Variants in VIT observed in about 807,000 individuals in gnomAD.
VIT encodes the protein vitrin.
VIT carries 99 observed loss-of-function variants against 78.0 expected under a neutral mutation model. The observed-to-expected ratio is 1.27, with a 90% CI of 1.08 to 1.50. The LOEUF is 1.50. VIT is among the 40% of genes most tolerant of loss of function. The pLI is 0.00. For synonymous variants in VIT, 374 were observed against 334.3 expected (o/e 1.12, Z -1.29); for missense variants, 1,126 against 875.3 (o/e 1.29, Z -3.61).
intron 15 of VIT, among the ~76,000 whole-genome samples, chr2:36,811,855 T>C (rs1667197491): frequency 6.6e-6 from 1 of 152,002 alleles, no homozygotes. Flanking sequence ...TTTGTATTTT[T>C]AGTGGAGACG....
rs1159217862 is a variant in VIT, at chr2:36,728,823, AAAAAAAG to A, written c.53-589_53-583del. On this transcript the variant is annotated intron_variant, in intron 2 of 15. Transcript: ENST00000379242. ...GCAAGACTCCGTCTCAAAAAAAAAA[AAAAAAAG>A]AAAAAAGAAAAAATATTTTTTATAA... Among the ~76,000 whole-genome samples the A allele has an allele frequency of 3.0e-3, 404 of 135,846 alleles. 136 individuals carry two copies. Among genetic ancestry groups the A allele is most frequent in the Non-Finnish European group, 4.9e-3 (320 of 64,860 alleles). 89.1% of individuals were successfully genotyped at this position (135,846 alleles called of 152,430 possible).
At chr2:36,808,450 G>A (rs776056075) in intron 14 of VIT, 22 bp from the exon 15 acceptor site, 6 of 1,583,324 alleles carry the variant, frequency 3.8e-6, no homozygotes, top group Non-Finnish European at 5.2e-6. Flanking sequence ...CGTGGCGTGG[G>A]TCCCTCCCCT....
chr2:36,781,092 C>G (rs759436), intron 9 of VIT, among the ~76,000 whole-genome samples: 76,015 of 152,054 alleles, frequency 0.5, 22,808 homozygotes, highest in Middle Eastern at 0.7. Flanking sequence ...TTCCTTTATT[C>G]TGCTTGAGTC....
At chr2:36,806,001 C>A (rs1431726489) in intron 14 of VIT, among the ~76,000 whole-genome samples, 1 of 151,786 alleles carries the variant, frequency 6.6e-6, no homozygotes, top group Non-Finnish European at 1.5e-5. Context: ...CTCTCTCTCA[C>A]ACACACACAC....
chr2:36,739,205 A>G (rs774762327), intron 3 of VIT, among the ~76,000 whole-genome samples: 2 of 152,214 alleles, frequency 1.3e-5, no homozygotes, highest in African/African-American at 4.8e-5. Flanking sequence ...ATTCTTCCTT[A>G]TTAACAGGCA....
intron 5 of VIT, 132 bp from the exon 6 acceptor site, chr2:36,758,837 T>G (rs1668927081): frequency 1.3e-6 from 1 of 795,012 alleles, no homozygotes; most frequent in African/African-American, 1.7e-5. Flanking sequence ...AATCAACTAT[T>G]CAGCATGAGG....
chr2:36,800,475 G>C (rs1558585119), intron 12 of VIT, among the ~76,000 whole-genome samples: 2 of 152,214 alleles, frequency 1.3e-5, no homozygotes, highest in African/African-American at 4.8e-5. Flanking sequence ...CCAAGCCTGG[G>C]CCTTTCTGAC....
intron 1 of VIT, among the ~76,000 whole-genome samples, chr2:36,702,251 G>A (rs953879424): frequency 1.3e-5 from 2 of 152,070 alleles, no homozygotes; most frequent in African/African-American, 4.8e-5. Flanking sequence ...AGCAGGAAAG[G>A]GAAGCCCAAG....
At chr2:36,772,667 A>C (rs1379022439) in intron 7 of VIT, among the ~76,000 whole-genome samples, 2 of 152,214 alleles carry the variant, frequency 1.3e-5, no homozygotes, top group East Asian at 3.9e-4. Context: ...TGATCACACC[A>C]CTGTACCCCA....
intron 12 of VIT, among the ~76,000 whole-genome samples, chr2:36,800,046 C>CA (rs754185532): frequency 0.21 from 18,580 of 89,078 alleles, 2,137 homozygotes; most frequent in African/African-American, 0.37. Context: ...GACTCCGTCT[C>CA]AAAAAAAAAA....
At chr2:36,808,018 G>T (rs1666854972) in intron 14 of VIT, among the ~76,000 whole-genome samples, 1 of 152,216 alleles carries the variant, frequency 6.6e-6, no homozygotes, top group Non-Finnish European at 1.5e-5. Context: ...CTGGAACAGG[G>T]CTGCTCTGGA....
intron 7 of VIT, among the ~76,000 whole-genome samples, chr2:36,768,589 C>T (rs1325983135): frequency 1.3e-5 from 2 of 152,106 alleles, no homozygotes; most frequent in Non-Finnish European, 2.9e-5. Flanking sequence ...GATGAGGAAA[C>T]CAAGGAGTAA....
chr2:36,759,883 GGCC>G (rs1488976694), intron 6 of VIT, among the ~76,000 whole-genome samples: 2 of 152,076 alleles, frequency 1.3e-5, no homozygotes, highest in African/African-American at 4.8e-5. Context: ...GACCACCATC[GGCC>G]TATACTATTA....
chr2:36,711,648 C>T (rs1470075524), intron 1 of VIT, among the ~76,000 whole-genome samples: 1 of 152,172 alleles, frequency 6.6e-6, no homozygotes, highest in African/African-American at 2.4e-5. Context: ...GTGCCCACTA[C>T]CAAACACTAT....
At chr2:36,787,812 A>T (rs2148634604) in intron 12 of VIT, 1 of 455,824 alleles carries the variant, frequency 2.2e-6, no homozygotes, top group South Asian at 1.6e-5. Flanking sequence ...TACTGGAAAA[A>T]CTCACCAGGC....
chr2:36,757,114 T>C (rs1025708237), intron 5 of VIT, among the ~76,000 whole-genome samples: 62 of 152,358 alleles, frequency 4.1e-4, no homozygotes, highest in African/African-American at 1.5e-3. Context: ...AGCATAAGCA[T>C]TGATAACTGA....
chr2:36,741,243 G>A (rs1667816343), intron 3 of VIT, among the ~76,000 whole-genome samples: 1 of 152,178 alleles, frequency 6.6e-6, no homozygotes, highest in Admixed American at 6.5e-5. Flanking sequence ...AAAATACTCT[G>A]AGACTCATAA....
chr2:36,747,006 T>A (rs1032885928), intron 4 of VIT, among the ~76,000 whole-genome samples: 2 of 152,164 alleles, frequency 1.3e-5, no homozygotes, highest in African/African-American at 4.8e-5. Flanking sequence ...TGTGTCTCTA[T>A]TTTCATTAAT....
chr2:36,739,883 A>G (rs968779672), intron 3 of VIT, among the ~76,000 whole-genome samples: 2 of 152,114 alleles, frequency 1.3e-5, no homozygotes, highest in Non-Finnish European at 2.9e-5. Context: ...GACGCTAGCA[A>G]CTGTCCAGTC....
Sources: allele counts gnomAD v4.1 joint callset (sites outside exome capture counted in the v4.1 genomes callset), GRCh38; gene constraint gnomAD v4.1.1; transcripts MANE v1.5; gene names NCBI Gene and HGNC (gene_info 2026-07-23, HGNC 2026-07-21).